CLRN1: variants seen among roughly 807,000 people sequenced by gnomAD.
CLRN1 encodes clarin 1.
CLRN1 carries 15 observed loss-of-function variants against 18.7 expected under a neutral mutation model. The observed-to-expected ratio is 0.80, with a 90% CI of 0.54 to 1.23. The LOEUF (loss-of-function observed/expected upper bound fraction) is 1.23. Among genes scored for constraint, CLRN1 ranks in the 50% most tolerant of loss-of-function variants. The pLI is 0.00. For synonymous variants in CLRN1, 104 were observed against 102.9 expected, an observed-to-expected ratio of 1.01 and a Z score of -0.07; for missense variants, 311 against 277.5, an observed-to-expected ratio of 1.12 and a Z score of -0.86.
At chr3:150,954,620 T>A (rs773999598) in intron 1 of CLRN1, among the ~76,000 whole-genome samples, 5 of 152,244 alleles carry the variant, frequency 3.3e-5, no homozygotes, top group Non-Finnish European at 5.9e-5. Flanking sequence ...TTTTATGAAC[T>A]CCAATTTATC....
chr3:150,960,938 C>T (rs747342425), intron 1 of CLRN1, among the ~76,000 whole-genome samples: 3 of 152,248 alleles, frequency 2.0e-5, no homozygotes, highest in Non-Finnish European at 4.4e-5. Context: ...AGTTGGTGAG[C>T]AGGCTCCTGT....
Position 150,926,686 on chromosome 3 carries a change from G to A in CLRN1, c.*1250C>T, listed in dbSNP as rs1277941523. On this transcript the variant is annotated 3_prime_UTR_variant, in exon 3 of 3. Transcript: ENST00000327047. ...TTGTAAATAGTTCCAAAGGGAAACA[G>A]TGTTTTATTTTAAGGAGTACTTTCA... 9.2e-7 allele frequency: 1 copy of A among 1,091,506 alleles called. No homozygotes were observed. Among genetic ancestry groups the A allele is most frequent in the Admixed American group, 1.9e-5 (1 of 52,474 alleles). 67.6% of individuals were successfully genotyped at this position (1,091,506 alleles called of 1,614,324 possible).
chr3:150,951,650 A>T (rs1360664057), intron 1 of CLRN1, among the ~76,000 whole-genome samples: 2 of 152,088 alleles, frequency 1.3e-5, no homozygotes, highest in South Asian at 4.2e-4. Flanking sequence ...AGACTGGGTA[A>T]TTTAAAAAGA....
chr3:150,935,291 C>T (rs1713402458), intron 2 of CLRN1, among the ~76,000 whole-genome samples: 1 of 115,118 alleles, frequency 8.7e-6, no homozygotes, highest in African/African-American at 3.0e-5. Flanking sequence ...CTATCCCTCC[C>T]CCCTCTTCCC....
chr3:150,960,998 A>G (rs974858858), intron 1 of CLRN1, among the ~76,000 whole-genome samples: 2 of 152,226 alleles, frequency 1.3e-5, no homozygotes, highest in African/African-American at 2.4e-5. Flanking sequence ...GCTGAGAGCC[A>G]AGTGTGCTCA....
At position 150,928,001 on chromosome 3, in the gene CLRN1, G is replaced by A; in HGVS notation, c.634C>T (p.Gln212Ter). The A allele has an allele frequency of 6.2e-7, 1 of 1,614,154 alleles. No individual in the cohort carries two copies. Residue 212 changes from glutamine to a stop codon, truncating the protein, a stop_gained, in exon 3 of 3, where the codon CAG becomes TAG. Coordinates refer to ENST00000327047, the MANE Select transcript of CLRN1 (RefSeq NM_174878.3). LOFTEE classifies it high-confidence loss of function. ...TCTTTAGATTTTGCAAAAGGGAACTGAAATCCAGCAAGTCGTATTAGGAGC... is the reference window on the plus strand; with the variant it reads ...TCTTTAGATTTTGCAAAAGGGAACTAAAATCCAGCAAGTCGTATTAGGAGC... ...NGLLIRLAGF[Q>*]FPFAKSKDAE... is the part of the protein sequence containing the mutation.
intron 1 of CLRN1, among the ~76,000 whole-genome samples, chr3:150,957,737 C>A (rs1714822273): frequency 6.6e-6 from 1 of 152,172 alleles, no homozygotes; most frequent in Admixed American, 6.5e-5. Context: ...TGGCTCACTG[C>A]AACCTCTGCC....
At chr3:150,928,993 T>C (rs1712984050) in intron 2 of CLRN1, among the ~76,000 whole-genome samples, 1 of 152,152 alleles carries the variant, frequency 6.6e-6, no homozygotes, top group Non-Finnish European at 1.5e-5. Context: ...TTTGGACCAA[T>C]GTGGCCCCAG....
At position 150,926,684 on chromosome 3, in the gene CLRN1, CAG is replaced by C. The variant is rs774962447; in HGVS notation, c.*1250_*1251del. The C allele has an allele frequency of 3.7e-6, 4 of 1,083,526 alleles. No individual in the cohort carries two copies. Among genetic ancestry groups the C allele is most frequent in the East Asian group, 2.5e-5 (1 of 40,792 alleles). 67.1% of individuals were successfully genotyped at this position (1,083,526 alleles called of 1,614,324 possible). A position where few individuals can be genotyped will look rare whatever the true frequency, so the allele number is the denominator to read the frequency against. On this transcript the variant is annotated 3_prime_UTR_variant, in exon 3 of 3. Transcript: ENST00000327047. The stretch of plus-strand genomic sequence containing the variant: ...CCTTGTAAATAGTTCCAAAGGGAAA[CAG>C]TGTTTTATTTTAAGGAGTACTTTCA...
intron 2 of CLRN1, among the ~76,000 whole-genome samples, chr3:150,941,134 G>GTCTA (rs147455281): frequency 0.045 from 5,951 of 131,544 alleles, 150 homozygotes; most frequent in East Asian, 0.064. Context: ...TTGTCTGTCT[G>GTCTA]TCTGTCTATC....
At chr3:150,936,022 T>C (rs1713464239) in intron 2 of CLRN1, among the ~76,000 whole-genome samples, 1 of 152,094 alleles carries the variant, frequency 6.6e-6, no homozygotes, top group South Asian at 2.1e-4. Flanking sequence ...TTTGTTTGAG[T>C]TCACTGTAGA....
At chr3:150,941,490 T>C (rs1402718392) in intron 2 of CLRN1, 92 bp downstream of exon 2, 5 of 1,271,826 alleles carry the variant, frequency 3.9e-6, no homozygotes, top group African/African-American at 3.0e-5. Flanking sequence ...TCCATGTATA[T>C]ATGTTAAGAT....
At chr3:150,935,163 C>CT (rs1335861803) in intron 2 of CLRN1, among the ~76,000 whole-genome samples, 1 of 151,368 alleles carries the variant, frequency 6.6e-6, no homozygotes, top group Non-Finnish European at 1.5e-5. Context: ...TATTATTATA[C>CT]TTTAAGTTTT....
intron 1 of CLRN1, among the ~76,000 whole-genome samples, chr3:150,944,754 C>CAAAAA (rs778124504): frequency 8.3e-6 from 1 of 120,952 alleles, no homozygotes. Context: ...GAATCCGTCT[C>CAAAAA]AAAAAAAAAA....
chr3:150,945,484 C>T, intron 1 of CLRN1: 13 of 1,283,782 alleles, frequency 1.0e-5, no homozygotes, highest in Non-Finnish European at 1.3e-5. Context: ...AGAACAAGCC[C>T]TTTGCCACCG....
intron 1 of CLRN1, 73 bp from the exon 2 acceptor site, chr3:150,941,834 A>C: frequency 7.5e-7 from 1 of 1,335,452 alleles, no homozygotes; most frequent in East Asian, 2.4e-5. Context: ...TTTAAAAATC[A>C]AATCTCTCTT....
chr3:150,934,819 T>C (rs769537436), intron 2 of CLRN1, among the ~76,000 whole-genome samples: 23 of 151,818 alleles, frequency 1.5e-4, no homozygotes, highest in Non-Finnish European at 2.6e-4. Context: ...CTCTCTCTCT[T>C]TCTCTTTCTC....
intron 1 of CLRN1, among the ~76,000 whole-genome samples, chr3:150,971,094 C>A (rs527246598): frequency 6.6e-6 from 1 of 152,204 alleles, no homozygotes; most frequent in South Asian, 2.1e-4. Context: ...GCTTTACTCA[C>A]GCTTTGGCTG....
intron 2 of CLRN1, among the ~76,000 whole-genome samples, chr3:150,939,195 G>T: frequency 6.6e-6 from 1 of 152,126 alleles, no homozygotes; most frequent in East Asian, 1.9e-4. Context: ...GAGAGAAGAC[G>T]AGAAAAGAAA....
Sources: allele counts gnomAD v4.1 joint callset (sites outside exome capture counted in the v4.1 genomes callset), GRCh38; gene constraint gnomAD v4.1.1; transcripts MANE v1.5; gene names NCBI Gene and HGNC (gene_info 2026-07-23, HGNC 2026-07-21).